Variants in TRMT44 observed in about 807,000 individuals in gnomAD.
TRMT44 encodes probable tRNA (uracil-O(2)-)-methyltransferase.
Under a neutral mutation model 77.3 loss-of-function variants are expected in TRMT44, and 78 were observed. The observed-to-expected ratio is 1.01, with a 90% CI of 0.84 to 1.22. The LOEUF is 1.22. TRMT44 is among the 50% of genes most tolerant of loss of function. The probability of loss-of-function intolerance (pLI) is 0.00; values close to 1 mark genes in which losing one functional copy is unlikely to be tolerated. For synonymous variants in TRMT44, 391 were observed against 383.3 expected, an observed-to-expected ratio of 1.02 and a Z score of -0.23; for missense variants, 1,090 against 964.4, an observed-to-expected ratio of 1.13 and a Z score of -1.73.
At chr4:8,456,685 G>C (rs572584196) in intron 6 of TRMT44, among the ~76,000 whole-genome samples, 1 of 152,186 alleles carries the variant, frequency 6.6e-6, no homozygotes. Flanking sequence ...CATACATACA[G>C]ACTCTAATAT....
chr4:8,455,896 AACTG>A (rs1333951391), intron 6 of TRMT44, among the ~76,000 whole-genome samples: 3 of 152,342 alleles, frequency 2.0e-5, no homozygotes, highest in African/African-American at 7.2e-5. Flanking sequence ...AATTTGAAAA[AACTG>A]ACAGATGAAA....
the TRMT44 span, among the ~76,000 whole-genome samples, chr4:8,513,054 T>A: frequency 6.6e-6 from 1 of 152,122 alleles, no homozygotes; most frequent in Non-Finnish European, 1.5e-5. Flanking sequence ...GTAGCTGGGA[T>A]TACAGGTGCC....
At chr4:8,505,126 C>T in the TRMT44 span, among the ~76,000 whole-genome samples, 1 of 152,194 alleles carries the variant, frequency 6.6e-6, no homozygotes, top group Non-Finnish European at 1.5e-5. Flanking sequence ...GCCCTGGCAG[C>T]CTCTCTAGGT....
chr4:8,468,501 A>G, intron 9 of TRMT44, 155 bp downstream of exon 9: 1 of 708,450 alleles, frequency 1.4e-6, no homozygotes, highest in Non-Finnish European at 2.3e-6. Context: ...CTTCAAGCAA[A>G]TTCTTTAAAA....
chr4:8,452,078 CA>C lies in TRMT44; in HGVS notation c.1023+51del, dbSNP rs1311641570. ...TCTCTGGAGTGGGTGGAGTTTGCTA[CA>C]GGCAGATGTTCCCTGTAGTGAAGGA... On this transcript the variant is annotated intron_variant, in intron 4 of 10. Coordinates refer to ENST00000389737, the MANE Select transcript of TRMT44 (RefSeq NM_152544.3). This position sits in a 1 kb window ranked among gnomAD's most constrained non-coding sequence, Gnocchi z 5.7. 1.0e-5 allele frequency: 15 copies of C among 1,462,038 alleles called. No homozygotes were observed. Among genetic ancestry groups the C allele is most frequent in the Non-Finnish European group, 1.4e-5 (15 of 1,079,424 alleles). The allele number at this position is 1,462,038 out of a possible 1,614,324, so 90.6% of individuals were successfully genotyped here. A position where few individuals can be genotyped will look rare whatever the true frequency, so the allele number is the denominator to read the frequency against.
downstream of TRMT44, among the ~76,000 whole-genome samples, chr4:8,498,490 G>A (rs1728214435): frequency 6.6e-6 from 1 of 152,200 alleles, no homozygotes; most frequent in Admixed American, 6.5e-5. The surrounding 1 kb of genome is among the most constrained non-coding windows in gnomAD (Gnocchi z 4.3). Flanking sequence ...CAATCATGGC[G>A]GAAGGCAAAG....
At chr4:8,456,695 T>C (rs1725831192) in intron 6 of TRMT44, among the ~76,000 whole-genome samples, 1 of 152,196 alleles carries the variant, frequency 6.6e-6, no homozygotes, top group African/African-American at 2.4e-5. Flanking sequence ...GACTCTAATA[T>C]GATTTGAGAA....
rs1418939843 is a variant in TRMT44, at chr4:8,461,179, CTT to C, written c.1204-2804_1204-2803del. ...CTTACTCTTTGCTTGTACATTTACT[CTT>C]TGCTTTGTTTTACAGTGATTGGCAG... On this transcript the variant is annotated intron_variant, in intron 6 of 10. Coordinates refer to ENST00000389737, the MANE Select transcript of TRMT44 (RefSeq NM_152544.3). This position sits in a 1 kb window ranked among gnomAD's most constrained non-coding sequence, Gnocchi z 4.6. 6.6e-6 allele frequency among the ~76,000 whole-genome samples: 1 copy of C among 152,140 alleles called. No homozygotes were observed.
the TRMT44 span, chr4:8,509,445 T>C: frequency 1.3e-5 from 2 of 152,702 alleles, no homozygotes; most frequent in African/African-American, 2.4e-5. Flanking sequence ...GTTCATGCGA[T>C]TGGAGGTGCT....
rs1414029824 is a variant in TRMT44 at position 8,441,313 on chromosome 4, T to C, written c.491T>C (p.Leu164Pro). 6.5e-7 allele frequency: 1 copy of C among 1,535,534 alleles called. No homozygotes were observed. The highest frequency in any genetic ancestry group is 8.7e-7 in the Non-Finnish European group (1 of 1,146,650). The change falls in exon 1 of 11, where the codon CTC (leucine) becomes CCC (proline). Residue 164 changes from leucine to proline, a missense_variant. Leu to Pro is a moderately conservative substitution (Grantham distance 98). Transcript: ENST00000389737. ...ARGNSELLAF[L>P]TSSGAGSQPE... is the part of the protein sequence containing the mutation. ...GGCAATTCGGAGTTGCTGGCCTTCC[T>C]CACCAGCTCCGGGGCGGGATCGCAG...
chr4:8,490,317 T>TAA (rs1727957476), intron 2 of TRMT44, among the ~76,000 whole-genome samples: 1 of 152,242 alleles, frequency 6.6e-6, no homozygotes, highest in Admixed American at 6.5e-5. Flanking sequence ...CGGTGAGTGT[T>TAA]ACAGCTCTTA....
At chr4:8,493,697 C>T (rs1728078266), downstream of TRMT44, among the ~76,000 whole-genome samples, 1 of 152,070 alleles carries the variant, frequency 6.6e-6, no homozygotes, top group Admixed American at 6.5e-5. Context: ...CGTTAGTCAC[C>T]TTGCTCTCAG....
At chr4:8,449,953 T>TCTTTTCTA (rs1553855274) in intron 3 of TRMT44, 65 bp downstream of exon 3, 1 of 545,128 alleles carries the variant, frequency 1.8e-6, no homozygotes. Context: ...TCTTTTCTTT[T>TCTTTTCTA]TTTTTTTTTT....
chr4:8,447,752 C>A (rs975571094), intron 2 of TRMT44, among the ~76,000 whole-genome samples: 11 of 152,196 alleles, frequency 7.2e-5, no homozygotes, highest in Non-Finnish European at 1.3e-4. Context: ...GGGATCCTGC[C>A]CTGAGGTCCC....
In TRMT44 at chr4:8,452,556, G is replaced by A. The variant is rs1398341827; in HGVS notation, c.1024-326G>A. ...TTGAGACCAGCCTGGCCAACATGGT[G>A]AAACCCTGTCTCTACTAAAAATACA... On this transcript the variant is annotated intron_variant, in intron 4 of 10. Transcript: ENST00000389737. The surrounding 1 kb of genome is among the most constrained non-coding windows in gnomAD (Gnocchi z 5.7). Among the ~76,000 whole-genome samples, 1 of 152,152 alleles carries A rather than the reference G, an allele frequency of 6.6e-6. No individual in the cohort carries two copies. The highest frequency in any genetic ancestry group is 2.4e-5 in the African/African-American group (1 of 41,436).
chr4:8,475,114 G>A lies in TRMT44; in HGVS notation c.2045-658G>A, dbSNP rs185616841. Among the ~76,000 whole-genome samples the A allele has an allele frequency of 5.2e-4, 79 of 152,326 alleles. 1 individual carries two copies. In the East Asian group the frequency reaches 0.01, roughly 19 times the overall value. ...CCTGGAGGGGCTCCGGTTGGGAGGC[G>A]CATGTAAACCCAGTGCACCGGGACG... is the stretch of plus-strand genomic sequence containing the variant. On this transcript the variant is annotated intron_variant, in intron 10 of 10. Transcript: ENST00000389737.
At chr4:8,516,413 C>T in the TRMT44 span, among the ~76,000 whole-genome samples, 1 of 152,216 alleles carries the variant, frequency 6.6e-6, no homozygotes, top group African/African-American at 2.4e-5. Context: ...TGACTCATCT[C>T]CCTTCCCTGA....
chr4:8,483,897 C>T, intron 2 of TRMT44, among the ~76,000 whole-genome samples: 1 of 152,174 alleles, frequency 6.6e-6, no homozygotes, highest in Admixed American at 6.5e-5. Flanking sequence ...AGTTGCCTGA[C>T]TCAGGGCATG....
At chr4:8,469,243 G>GC (rs1453081715) in intron 9 of TRMT44, among the ~76,000 whole-genome samples, 3 of 145,706 alleles carry the variant, frequency 2.1e-5, no homozygotes, top group Non-Finnish European at 3.0e-5. Flanking sequence ...GGTCAGCAGA[G>GC]CCTCTAGCCA....
Sources: allele counts gnomAD v4.1 joint callset (sites outside exome capture counted in the v4.1 genomes callset), GRCh38; gene constraint gnomAD v4.1.1; non-coding constraint Gnocchi (gnomAD v3.1); transcripts MANE v1.5; gene names NCBI Gene and HGNC (gene_info 2026-07-23, HGNC 2026-07-21).